Variants in NRG1 observed in about 807,000 individuals in gnomAD.
NRG1 encodes neuregulin 1, also known as pro-neuregulin-1, membrane-bound isoform.
In NRG1, 18 loss-of-function variants were observed where a neutral mutation model predicts 63.8. The ratio of observed to expected loss-of-function variants is 0.28; its 90% CI spans 0.19 to 0.42. NRG1 has a LOEUF of 0.42. Ranked by LOEUF, NRG1 falls within the 10% of genes least tolerant of loss-of-function variation. The probability of loss-of-function intolerance (pLI) is 1.00; values close to 1 mark genes in which losing one functional copy is unlikely to be tolerated. For synonymous variants in NRG1, 302 were observed against 301.3 expected (o/e 1.00, Z -0.02); for missense variants, 762 against 814.7 (o/e 0.94, Z 0.79).
intron 1 of NRG1, among the ~76,000 whole-genome samples, chr8:32,037,573 A>G (rs1415445577): frequency 1.3e-5 from 2 of 152,148 alleles, no homozygotes; most frequent in Admixed American, 1.3e-4. Context: ...CCCTCCTCCT[A>G]TGGGCTCCTT....
intron 5 of NRG1, among the ~76,000 whole-genome samples, chr8:32,685,582 T>C (rs1423681383): frequency 2.0e-5 from 3 of 152,238 alleles, no homozygotes; most frequent in African/African-American, 7.2e-5. Flanking sequence ...TCCTAGCAAA[T>C]CTTCATGTAT....
intron 1 of NRG1, among the ~76,000 whole-genome samples, chr8:31,840,706 T>C (rs191902964): frequency 1.1e-3 from 162 of 152,270 alleles, no homozygotes; most frequent in African/African-American, 3.6e-3. Context: ...GATCCATTTT[T>C]CTCTGTGTGA....
At chr8:32,063,092 T>C (rs1422548305) in intron 1 of NRG1, 2 of 152,182 alleles carry the variant, frequency 1.3e-5, no homozygotes, top group Non-Finnish European at 2.9e-5. Flanking sequence ...GTCAGACTTA[T>C]GTTTCTTCCA....
chr8:32,009,651 G>C (rs997849291), intron 1 of NRG1, among the ~76,000 whole-genome samples: 1 of 151,992 alleles, frequency 6.6e-6, no homozygotes, highest in Non-Finnish European at 1.5e-5. Context: ...AAATCGTGAA[G>C]GTGAAGGAGC....
intron 1 of NRG1, among the ~76,000 whole-genome samples, chr8:32,250,959 T>C (rs1047815891): frequency 4.6e-5 from 7 of 152,212 alleles, no homozygotes; most frequent in African/African-American, 1.7e-4. Flanking sequence ...GTGCCTTTTA[T>C]ATCTTAAGAA....
At chr8:32,530,217 C>T (rs1053395640) in intron 1 of NRG1, among the ~76,000 whole-genome samples, 2 of 152,056 alleles carry the variant, frequency 1.3e-5, no homozygotes, top group Admixed American at 6.6e-5. Flanking sequence ...ATGCCATTCT[C>T]CTGCCTCAGC....
Position 31,663,989 on chromosome 8 carries a change from G to C in NRG1, c.37+24558G>C, listed in dbSNP as rs917864628. Among the ~76,000 whole-genome samples, 3 of 151,814 alleles carry C rather than the reference G, an allele frequency of 2.0e-5. No homozygotes were observed. In the South Asian group the frequency reaches 6.2e-4, roughly 32 times the overall value. On this transcript the variant is annotated intron_variant, in intron 1 of 10. Coordinates refer to the NRG1 transcript ENST00000519301. ...GGGTTCTTCTTTTCTTTTTTTTTAGGGGGGCGGTTTTCTTATAGAATAATT... is the reference window on the plus strand; with the variant it reads ...GGGTTCTTCTTTTCTTTTTTTTTAGCGGGGCGGTTTTCTTATAGAATAATT...
intron 1 of NRG1, among the ~76,000 whole-genome samples, chr8:31,721,569 C>G (rs1408429775): frequency 3.9e-5 from 6 of 152,136 alleles, no homozygotes; most frequent in Admixed American, 6.5e-5. Flanking sequence ...CTCCCTCTGA[C>G]AAATTTCACA....
chr8:32,675,029 G>T (rs746593075), intron 5 of NRG1, among the ~76,000 whole-genome samples: 3 of 152,090 alleles, frequency 2.0e-5, no homozygotes, highest in Non-Finnish European at 2.9e-5. Flanking sequence ...TTCACCTTAG[G>T]GGTGAATTTC....
chr8:32,075,660 T>A (rs200825624), intron 1 of NRG1, among the ~76,000 whole-genome samples: 1 of 306 alleles, frequency 3.3e-3, no homozygotes, highest in African/African-American at 4.0e-3. Flanking sequence ...CCTTTTTTTT[T>A]TTTTTTTTTT....
intron 1 of NRG1, among the ~76,000 whole-genome samples, chr8:32,089,272 CTTGGCAATGGCAAGA>C (rs1828747855): frequency 6.6e-6 from 1 of 152,180 alleles, no homozygotes; most frequent in Non-Finnish European, 1.5e-5. Context: ...GCATCAGGCT[CTTGGCAATGGCAAGA>C]GTAAACCTCT....
intron 7 of NRG1, among the ~76,000 whole-genome samples, chr8:32,750,785 T>C (rs914874647): frequency 6.6e-6 from 1 of 151,216 alleles, no homozygotes; most frequent in Non-Finnish European, 1.5e-5. Flanking sequence ...TGAATGGGCC[T>C]TTGTGCCTCG....
chr8:32,142,794 A>C (rs987230830), intron 1 of NRG1, among the ~76,000 whole-genome samples: 5 of 152,252 alleles, frequency 3.3e-5, no homozygotes, highest in African/African-American at 1.2e-4. Flanking sequence ...TTTTAAAAAT[A>C]GTGCTAATAC....
At chr8:31,801,872 T>C (rs1821827004) in intron 1 of NRG1, among the ~76,000 whole-genome samples, 1 of 152,006 alleles carries the variant, frequency 6.6e-6, no homozygotes, top group South Asian at 2.1e-4. Flanking sequence ...CCCCTTCCAC[T>C]TTGAGGCTCA....
At chr8:31,849,034 C>A (rs1340401954) in intron 1 of NRG1, among the ~76,000 whole-genome samples, 1 of 152,172 alleles carries the variant, frequency 6.6e-6, no homozygotes, top group Non-Finnish European at 1.5e-5. Context: ...GACTCAGAGG[C>A]ATAGTCTTAG....
chr8:32,025,619 T>C (rs77824691), intron 1 of NRG1, among the ~76,000 whole-genome samples: 1 of 151,468 alleles, frequency 6.6e-6, no homozygotes, highest in Non-Finnish European at 1.5e-5. Context: ...TTTTTTTTTT[T>C]TTTTTTATTT....
intron 1 of NRG1, among the ~76,000 whole-genome samples, chr8:32,407,304 ATATATATATATATAT>A (rs1194333568): frequency 0.26 from 1,598 of 6,106 alleles, 54 homozygotes; most frequent in South Asian, 0.43. Flanking sequence ...TTATATATAT[ATATATATATATATAT>A]TATATATATA....
chr8:31,974,759 A>C (rs1807880341), intron 1 of NRG1, among the ~76,000 whole-genome samples: 1 of 152,200 alleles, frequency 6.6e-6, no homozygotes, highest in African/African-American at 2.4e-5. Flanking sequence ...AAGAATGAAC[A>C]AATGTTCCTT....
At chr8:32,555,705 T>A (rs953913244) in intron 1 of NRG1, among the ~76,000 whole-genome samples, 1 of 152,136 alleles carries the variant, frequency 6.6e-6, no homozygotes, top group African/African-American at 2.4e-5. Flanking sequence ...TCTCCTGACC[T>A]CGTGATCCGC....
Sources: allele counts gnomAD v4.1 joint callset (sites outside exome capture counted in the v4.1 genomes callset), GRCh38; gene constraint gnomAD v4.1.1; transcripts MANE v1.5; gene names NCBI Gene and HGNC (gene_info 2026-07-23, HGNC 2026-07-21).